The following SFMBT2 variants were observed in gnomAD, a reference collection of about 807,000 sequenced individuals.
SFMBT2 encodes Scm like with four mbt domains 2, also known as scm-like with four MBT domains protein 2.
A neutral mutation model predicts 110.1 loss-of-function variants in SFMBT2; 38 were observed. The observed-to-expected ratio is 0.35, with a 90% CI of 0.27 to 0.45. SFMBT2 has a LOEUF of 0.45. Among genes scored for constraint, SFMBT2 ranks in the 20% least tolerant of loss-of-function variants. The pLI is 1.00. For synonymous variants in SFMBT2, 425 were observed against 425.4 expected, an observed-to-expected ratio of 1.00 and a Z score of 0.01; for missense variants, 1,011 against 1,094.9, an observed-to-expected ratio of 0.92 and a Z score of 1.08.
At chr10:7,401,944 G>A (rs554226541) in intron 1 of SFMBT2, among the ~76,000 whole-genome samples, 24 of 152,166 alleles carry the variant, frequency 1.6e-4, no homozygotes, top group Admixed American at 3.9e-4. Context: ...GGTCTCCTAC[G>A]AATGTCTGTC....
chr10:7,243,153 C>T (rs1840488173), intron 9 of SFMBT2, among the ~76,000 whole-genome samples: 1 of 152,190 alleles, frequency 6.6e-6, no homozygotes, highest in Non-Finnish European at 1.5e-5. Context: ...CAAATTGACT[C>T]TGGAGAAAGC....
At chr10:7,348,737 T>C (rs1844201723) in intron 4 of SFMBT2, among the ~76,000 whole-genome samples, 1 of 152,224 alleles carries the variant, frequency 6.6e-6, no homozygotes, top group Non-Finnish European at 1.5e-5. Flanking sequence ...GCAGATTTTT[T>C]TTAAAAACTG....
chr10:7,278,739 A>G (rs1039040228), intron 6 of SFMBT2, among the ~76,000 whole-genome samples: 49 of 152,172 alleles, frequency 3.2e-4, no homozygotes, highest in African/African-American at 1.1e-3. Context: ...AATCAGGACT[A>G]GTTATACCCT....
Position 7,305,836 on chromosome 10 carries a change from A to C in SFMBT2, c.437-19882T>G, listed in dbSNP as rs571458735. On this transcript the variant is annotated intron_variant, in intron 4 of 20. Transcript: ENST00000397167. ...TTTGTGACTCCAGTGAAATCACTTA[A>C]CCTTTCCAAATCCCTCTTTCCTCAT... Among the ~76,000 whole-genome samples, 17 of 152,342 alleles carry C rather than the reference A, an allele frequency of 1.1e-4. No individual in the cohort carries two copies. In the South Asian group the frequency reaches 3.5e-3, roughly 32 times the overall value.
intron 4 of SFMBT2, among the ~76,000 whole-genome samples, chr10:7,353,020 A>AAAAT (rs143079709): frequency 0.045 from 6,792 of 151,738 alleles, 527 homozygotes; most frequent in African/African-American, 0.16. Context: ...AAAATAAATA[A>AAAAT]AAATAAATAA....
chr10:7,280,208 T>A (rs183306080), intron 6 of SFMBT2, among the ~76,000 whole-genome samples: 2 of 152,314 alleles, frequency 1.3e-5, no homozygotes, highest in South Asian at 2.1e-4. Flanking sequence ...AGCCTCCAGA[T>A]CTCTGAGAAG....
chr10:7,228,730 TCTTTCCTTTCTCTCTCTCTCTC>T (rs1840002505), intron 9 of SFMBT2, among the ~76,000 whole-genome samples: 2 of 85,452 alleles, frequency 2.3e-5, no homozygotes, highest in Non-Finnish European at 2.2e-5. Flanking sequence ...TTTCTTTCTT[TCTTTCCTTTCTCTCTCTCTCTC>T]TCTCTCTCTC....
chr10:7,256,349 T>C (rs1245410540), intron 7 of SFMBT2, among the ~76,000 whole-genome samples: 1 of 152,230 alleles, frequency 6.6e-6, no homozygotes, highest in Non-Finnish European at 1.5e-5. Flanking sequence ...CCCCTAGAAT[T>C]TTCTTTCAAA....
chr10:7,186,063 G>T (rs1838391740), intron 16 of SFMBT2, among the ~76,000 whole-genome samples: 1 of 151,992 alleles, frequency 6.6e-6, no homozygotes, highest in African/African-American at 2.4e-5. Flanking sequence ...TTCAAATATT[G>T]CAATAATTTC....
intron 14 of SFMBT2, 90 bp from the exon 15 acceptor site, chr10:7,197,777 G>A: frequency 6.6e-7 from 1 of 1,509,758 alleles, no homozygotes; most frequent in Non-Finnish European, 8.9e-7. Flanking sequence ...ACATGGTCAG[G>A]GAAAAGGACC....
chr10:7,204,322 G>GT, intron 12 of SFMBT2: 4 of 984,778 alleles, frequency 4.1e-6, no homozygotes, highest in Non-Finnish European at 4.8e-6. Flanking sequence ...ATGGAACTGT[G>GT]TTTCCAGCAA....
chr10:7,189,307 C>T (rs1194808739), intron 15 of SFMBT2: 8 of 422,812 alleles, frequency 1.9e-5, no homozygotes, highest in South Asian at 2.0e-4. Context: ...GAATATCCAG[C>T]GCCATCCAGT....
intron 4 of SFMBT2, among the ~76,000 whole-genome samples, chr10:7,297,060 T>C (rs1588427358): frequency 6.6e-6 from 1 of 152,344 alleles, no homozygotes; most frequent in East Asian, 1.9e-4. Flanking sequence ...TATACACACA[T>C]TCTATTGGTT....
intron 9 of SFMBT2, among the ~76,000 whole-genome samples, chr10:7,238,677 G>A (rs532431032): frequency 3.0e-4 from 46 of 152,258 alleles, no homozygotes; most frequent in African/African-American, 9.9e-4. Context: ...AAGTGCTAAC[G>A]TAAGCCAATT....
intron 11 of SFMBT2, among the ~76,000 whole-genome samples, chr10:7,220,151 GAT>G (rs1208827209): frequency 1.3e-5 from 2 of 152,044 alleles, no homozygotes; most frequent in African/African-American, 4.8e-5. Flanking sequence ...TCTAATCATA[GAT>G]GTAAAAAGAC....
rs142805900 is a variant in SFMBT2, at chr10:7,183,845, T to A, written c.1808+4779A>T. On this transcript the variant is annotated intron_variant, in intron 16 of 20. Transcript: ENST00000397167. ...CCTTTGCTCCCAGCTCCCTTTCCCG[T>A]ACTGAGTTGGATACAGAATCCCCAA... Among the ~76,000 whole-genome samples, 718 of 152,340 alleles carry A rather than the reference T, an allele frequency of 4.7e-3. 4 individuals are homozygous for A. Among genetic ancestry groups the A allele is most frequent in the Middle Eastern group, 0.02 (6 of 294 alleles).
rs1294574083 is a variant in SFMBT2, at chr10:7,248,604, G to C, written c.916C>G (p.Leu306Val). 1 of 1,614,058 alleles carries C rather than the reference G, an allele frequency of 6.2e-7. No homozygotes were observed. The highest frequency in any genetic ancestry group is 1.1e-5 in the South Asian group (1 of 91,092). The change falls in exon 8 of 21, where the codon CTT becomes GTT. Residue 306 changes from leucine to valine, a missense_variant. By Grantham distance (32) the Leu-to-Val change is conservative. This residue lies in a region of SFMBT2 where 979 missense variants were observed against 1,016.1 expected (regional missense o/e 0.96). Transcript: ENST00000397167. ...GGCTCGCACATATTCACTGTCTCAA[G>C]CTTCATCCCAACTGTGAAGAAATGG... ...RSHFFTVGMKLETVNMCEPFY... is the reference protein window; with the variant it reads ...RSHFFTVGMKVETVNMCEPFY...
chr10:7,215,208 C>T (rs1228567077), intron 11 of SFMBT2, among the ~76,000 whole-genome samples: 1 of 152,180 alleles, frequency 6.6e-6, no homozygotes, highest in Non-Finnish European at 1.5e-5. Flanking sequence ...TGAGACCACC[C>T]TGGGCAACAT....
chr10:7,293,574 C>A lies in SFMBT2; in HGVS notation c.437-7620G>T, dbSNP rs897578139. On this transcript the variant is annotated intron_variant, in intron 4 of 20. Coordinates refer to ENST00000397167, the MANE Select transcript of SFMBT2 (RefSeq NM_001387889.1). This position sits in a 1 kb window ranked among gnomAD's most constrained non-coding sequence, Gnocchi z 4.6. ...ATGCAAATACCAAGGGCAAGCTCCA[C>A]TGGCCCTCATAGTCGTTAAGATCAT... is the stretch of plus-strand genomic sequence containing the variant. Among the ~76,000 whole-genome samples, 3 of 152,184 alleles carry A rather than the reference C, an allele frequency of 2.0e-5. No homozygotes were observed. The highest frequency in any genetic ancestry group is 4.8e-5 in the African/African-American group (2 of 41,450).
Sources: allele counts gnomAD v4.1 joint callset (sites outside exome capture counted in the v4.1 genomes callset), GRCh38; gene constraint gnomAD v4.1.1; regional missense constraint gnomAD v4.1.1; non-coding constraint Gnocchi (gnomAD v3.1); transcripts MANE v1.5; gene names NCBI Gene and HGNC (gene_info 2026-07-23, HGNC 2026-07-21).